VDAC1: variants seen among roughly 807,000 people sequenced by gnomAD.
The protein encoded by VDAC1 is non-selective voltage-gated ion channel VDAC1.
A neutral mutation model predicts 34.7 loss-of-function variants in VDAC1; 10 were observed. The observed-to-expected ratio is 0.29, with a 90% confidence interval of 0.18 to 0.49. The LOEUF is 0.49. Among genes scored for constraint, VDAC1 ranks in the 20% least tolerant of loss-of-function variants. The pLI, the probability that VDAC1 is intolerant of heterozygous loss-of-function variation, is 0.99. For missense variants in VDAC1, 230 were observed against 347.9 expected (o/e 0.66, Z 2.69); for synonymous variants, 130 against 136.0 (o/e 0.96, Z 0.30).
intron 5 of VDAC1, among the ~76,000 whole-genome samples, chr5:133,983,018 G>A (rs1314008870): frequency 6.6e-6 from 1 of 152,024 alleles, no homozygotes; most frequent in Non-Finnish European, 1.5e-5. Flanking sequence ...GGGAGGCTGG[G>A]GCAGGCGGAT....
the VDAC1 span, among the ~76,000 whole-genome samples, chr5:134,051,774 C>T: frequency 1.3e-3 from 195 of 151,936 alleles, no homozygotes; most frequent in African/African-American, 4.6e-3. Flanking sequence ...TCTCGGCTCA[C>T]TGCAACCTCC....
At chr5:133,984,423 T>C (rs935340791) in intron 5 of VDAC1, among the ~76,000 whole-genome samples, 2 of 10,434 alleles carry the variant, frequency 1.9e-4, no homozygotes, top group African/African-American at 6.3e-4. Flanking sequence ...GACCAGCGTG[T>C]GTGTGTGTGT....
chr5:133,972,471 A>T lies in VDAC1; in HGVS notation c.*300T>A. Reference sequence around the variant, plus strand: ...TTCATTTACTCAATATGAATTTACAAAGTGCCTACATATTATCCGCTTCCA... The same window carrying T: ...TTCATTTACTCAATATGAATTTACATAGTGCCTACATATTATCCGCTTCCA... On this transcript the variant is annotated 3_prime_UTR_variant, in exon 9 of 9. Transcript: ENST00000265333. 2.3e-6 allele frequency: 1 copy of T among 442,678 alleles called. No homozygotes were observed. 27.4% of individuals were successfully genotyped at this position (442,678 alleles called of 1,614,324 possible).
At chr5:134,009,742 C>T (rs1244003742), upstream of VDAC1, among the ~76,000 whole-genome samples, 1 of 152,038 alleles carries the variant, frequency 6.6e-6, no homozygotes. Context: ...AGTTCAGTGG[C>T]ACCATCTCGG....
the VDAC1 span, among the ~76,000 whole-genome samples, chr5:134,025,753 C>G: frequency 5.3e-5 from 8 of 151,902 alleles, no homozygotes; most frequent in African/African-American, 1.7e-4. Flanking sequence ...CCATGCCCAG[C>G]TAAGTTTCTT....
the VDAC1 span, among the ~76,000 whole-genome samples, chr5:134,106,545 T>C: frequency 1.3e-5 from 2 of 151,988 alleles, no homozygotes; most frequent in African/African-American, 4.8e-5. Context: ...GTATCTGGGA[T>C]TACAGGTGCG....
At chr5:134,065,537 T>C in the VDAC1 span, among the ~76,000 whole-genome samples, 4 of 151,534 alleles carry the variant, frequency 2.6e-5, no homozygotes, top group African/African-American at 4.8e-5. Flanking sequence ...GACAGGGTTT[T>C]GCAATATTGG....
chr5:133,981,037 A>C lies in VDAC1; in HGVS notation c.324-81T>G, dbSNP rs568549865. ...TTGTCTTTTTTTTTTTTTTAATCCCAGGTCAAATAAAGGGAGTGGGGTGGG... is the reference window on the plus strand; with the variant it reads ...TTGTCTTTTTTTTTTTTTTAATCCCCGGTCAAATAAAGGGAGTGGGGTGGG... On this transcript the variant is annotated intron_variant, in intron 5 of 8. Coordinates refer to ENST00000265333, the MANE Select transcript of VDAC1 (RefSeq NM_003374.3). The C allele has an allele frequency of 1.6e-4, 200 of 1,266,848 alleles. 1 individual carries two copies. Among genetic ancestry groups the C allele is most frequent in the Non-Finnish European group, 1.9e-4 (174 of 897,936 alleles). 78.5% of individuals were successfully genotyped at this position (1,266,848 alleles called of 1,614,324 possible).
chr5:134,051,667 TG>T, the VDAC1 span, among the ~76,000 whole-genome samples: 19 of 90,502 alleles, frequency 2.1e-4, no homozygotes, highest in African/African-American at 6.1e-4. Flanking sequence ...CTGGGCAGTT[TG>T]TTTTTTTTTT....
intron 7 of VDAC1, among the ~76,000 whole-genome samples, chr5:133,974,121 C>T (rs1393041419): frequency 6.6e-6 from 1 of 152,178 alleles, no homozygotes; most frequent in African/African-American, 2.4e-5. Context: ...TCCTTTTGCT[C>T]ATATAAATAA....
At chr5:134,094,479 C>G in the VDAC1 span, among the ~76,000 whole-genome samples, 2 of 152,070 alleles carry the variant, frequency 1.3e-5, no homozygotes, top group Non-Finnish European at 2.9e-5. Context: ...GGGCAGATCA[C>G]GAGGTCAGGA....
At chr5:134,077,874 G>A in the VDAC1 span, among the ~76,000 whole-genome samples, 5 of 152,240 alleles carry the variant, frequency 3.3e-5, no homozygotes, top group Admixed American at 3.3e-4. Flanking sequence ...TAAAGCCAGA[G>A]AAGGATATGA....
At chr5:134,017,546 T>C in the VDAC1 span, among the ~76,000 whole-genome samples, 1 of 152,200 alleles carries the variant, frequency 6.6e-6, no homozygotes, top group Non-Finnish European at 1.5e-5. Flanking sequence ...TGTCCATGCT[T>C]GTGTTCTTTC....
At chr5:134,012,722 C>T in the VDAC1 span, among the ~76,000 whole-genome samples, 1 of 151,674 alleles carries the variant, frequency 6.6e-6, no homozygotes, top group Non-Finnish European at 1.5e-5. Flanking sequence ...TCATTTTTCA[C>T]AGAATTAGAA....
At chr5:134,093,327 C>A in the VDAC1 span, among the ~76,000 whole-genome samples, 1 of 151,836 alleles carries the variant, frequency 6.6e-6, no homozygotes, top group Admixed American at 6.6e-5. Flanking sequence ...GGAAGGTGTG[C>A]ACAGTGGCAA....
the VDAC1 span, among the ~76,000 whole-genome samples, chr5:134,090,274 G>A: frequency 6.6e-6 from 1 of 152,186 alleles, no homozygotes; most frequent in Non-Finnish European, 1.5e-5. Context: ...GAGACCCACT[G>A]ATGTTCTGCC....
chr5:134,033,888 A>G, the VDAC1 span, among the ~76,000 whole-genome samples: 5 of 151,962 alleles, frequency 3.3e-5, no homozygotes, highest in Non-Finnish European at 5.9e-5. Flanking sequence ...GCTACTTGGG[A>G]GGCTGAGGCA....
upstream of VDAC1, among the ~76,000 whole-genome samples, chr5:134,008,055 C>T (rs948226097): frequency 5.3e-5 from 8 of 152,170 alleles, no homozygotes; most frequent in African/African-American, 1.9e-4. Context: ...GACTCCAAAG[C>T]CTTCCTGGGA....
At chr5:134,046,829 G>C in the VDAC1 span, among the ~76,000 whole-genome samples, 1 of 152,200 alleles carries the variant, frequency 6.6e-6, no homozygotes, top group African/African-American at 2.4e-5. Context: ...CTACCAGTGG[G>C]GTGACCTTGG....
Sources: allele counts gnomAD v4.1 joint callset (sites outside exome capture counted in the v4.1 genomes callset), GRCh38; gene constraint gnomAD v4.1.1; transcripts MANE v1.5; gene names NCBI Gene and HGNC (gene_info 2026-07-23, HGNC 2026-07-21).